Variants in SUMF1 observed in about 807,000 individuals in gnomAD.
SUMF1 encodes the protein formylglycine-generating enzyme.
SUMF1 carries 48 observed loss-of-function variants against 47.6 expected under a neutral mutation model. That is an observed-to-expected ratio of 1.01 (90% CI 0.80 to 1.28). The LOEUF is 1.28. SUMF1 is among the 50% of genes most tolerant of loss of function. The pLI is 0.00. For missense variants in SUMF1, 571 were observed against 485.4 expected (o/e 1.18, Z -1.66); for synonymous variants, 230 against 192.1 (o/e 1.20, Z -1.63).
rs757520821 is a variant in SUMF1, at chr3:4,253,946, TCCCTGAC to T, written c.1014+122377_1014+122383del. On this transcript the variant is annotated intron_variant and NMD_transcript_variant, in intron 8 of 12. Transcript: ENST00000448413. Reference sequence around the variant, plus strand: ...CTGGCAGACTGCCTCCTCAAGTGGGTCCCTGACCCCTGACCCCCGAGCAGCCTAACTG... The same window carrying T: ...CTGGCAGACTGCCTCCTCAAGTGGGTCCCTGACCCCCGAGCAGCCTAACTG... 2.1e-3 allele frequency among the ~76,000 whole-genome samples: 322 copies of T among 150,320 alleles called. 1 individual carries two copies. The highest frequency in any genetic ancestry group is 3.9e-3 in the Non-Finnish European group (267 of 67,654).
In SUMF1 at chr3:4,197,457, G is replaced by A. The variant is rs372045004; in HGVS notation, c.1015-128712C>T. 9.2e-5 allele frequency among the ~76,000 whole-genome samples: 14 copies of A among 152,208 alleles called. 3 individuals are homozygous for A. The highest frequency in any genetic ancestry group is 6.5e-5 in the Admixed American group (1 of 15,270). On this transcript the variant is annotated intron_variant and NMD_transcript_variant, in intron 8 of 12. Coordinates refer to the SUMF1 transcript ENST00000448413. ...CACCATGCTCTAAAAGATAGGTAAG[G>A]TTTAGAGATGAGAGGGCATGACAGA...
At chr3:4,379,536 A>T (rs1441914895) in intron 7 of SUMF1, among the ~76,000 whole-genome samples, 1 of 152,212 alleles carries the variant, frequency 6.6e-6, no homozygotes, top group Non-Finnish European at 1.5e-5. Context: ...AGCCTCCAGA[A>T]CTGTGAGAGG....
chr3:4,156,424 G>C (rs981430374), intron 8 of SUMF1, among the ~76,000 whole-genome samples: 1 of 151,444 alleles, frequency 6.6e-6, no homozygotes, highest in Non-Finnish European at 1.5e-5. Context: ...TGAGAGCAGG[G>C]GTTTTCTGGT....
chr3:4,296,179 G>A (rs1559206743), intron 8 of SUMF1, among the ~76,000 whole-genome samples: 2 of 151,282 alleles, frequency 1.3e-5, no homozygotes, highest in African/African-American at 4.9e-5. Context: ...CATTATTACT[G>A]TATTATTATC....
intron 8 of SUMF1, chr3:4,316,657 T>A (rs1418969726): frequency 6.4e-7 from 1 of 1,551,206 alleles, no homozygotes; most frequent in South Asian, 1.2e-5. Context: ...GAACCATTTC[T>A]CGATCGGATT....
At chr3:4,356,237 G>A (rs998097316), downstream of SUMF1, among the ~76,000 whole-genome samples, 2 of 152,028 alleles carry the variant, frequency 1.3e-5, no homozygotes, top group African/African-American at 4.8e-5. Flanking sequence ...GCTCTAGGGT[G>A]GTTTGTATCC....
At chr3:4,379,840 CAAAAAAAAAAAA>C (rs58264459) in intron 7 of SUMF1, among the ~76,000 whole-genome samples, 4 of 76,888 alleles carry the variant, frequency 5.2e-5, no homozygotes, top group South Asian at 9.7e-4. Context: ...GCCTCCATCT[CAAAAAAAAAAAA>C]AAAAAAAAAA....
chr3:4,145,995 G>C (rs1363974669), intron 8 of SUMF1, among the ~76,000 whole-genome samples: 1 of 152,052 alleles, frequency 6.6e-6, no homozygotes, highest in African/African-American at 2.4e-5. Context: ...AAAATCCACT[G>C]GGTCTCCCTG....
intron 9 of SUMF1, among the ~76,000 whole-genome samples, chr3:4,050,514 G>A (rs1302788455): frequency 6.6e-6 from 1 of 151,822 alleles, no homozygotes; most frequent in South Asian, 2.1e-4. Context: ...GGCTGAGGTG[G>A]GTGGATTGTT....
chr3:4,335,470 T>TA (rs1195965513), intron 8 of SUMF1, among the ~76,000 whole-genome samples: 10 of 152,304 alleles, frequency 6.6e-5, no homozygotes, highest in African/African-American at 1.9e-4. Context: ...TAAAGGCTAC[T>TA]CTCCACCATC....
Position 4,145,943 on chromosome 3 carries a change from C to T in SUMF1, c.1015-77198G>A, listed in dbSNP as rs150269249. Among the ~76,000 whole-genome samples the T allele has an allele frequency of 7.2e-5, 11 of 152,078 alleles. No homozygotes were observed. In the East Asian group the frequency reaches 1.4e-3, roughly 19 times the overall value. ...AATTCCCTGAGTTCAATTTTTAGGGCGGTATATTATGATTGATTTCACCAT... is the reference window on the plus strand; with the variant it reads ...AATTCCCTGAGTTCAATTTTTAGGGTGGTATATTATGATTGATTTCACCAT... On this transcript the variant is annotated intron_variant and NMD_transcript_variant, in intron 8 of 12. Coordinates refer to the SUMF1 transcript ENST00000448413.
At chr3:4,383,351 C>T (rs1432860110) in intron 7 of SUMF1, among the ~76,000 whole-genome samples, 1 of 152,020 alleles carries the variant, frequency 6.6e-6, no homozygotes, top group Non-Finnish European at 1.5e-5. Context: ...TGCACTCCAG[C>T]CTGGGCGACA....
chr3:4,342,363 T>C (rs541723190), intron 8 of SUMF1, among the ~76,000 whole-genome samples: 5 of 152,218 alleles, frequency 3.3e-5, no homozygotes, highest in South Asian at 4.1e-4. Context: ...TGAAACCCCA[T>C]CTCTACTAAA....
intron 8 of SUMF1, among the ~76,000 whole-genome samples, chr3:4,367,383 G>A (rs866026785): frequency 6.6e-6 from 1 of 152,218 alleles, no homozygotes; most frequent in Admixed American, 6.5e-5. Flanking sequence ...CCCATTTCGA[G>A]CTTCCCAGCT....
At chr3:4,208,014 G>A (rs1695691254) in intron 8 of SUMF1, among the ~76,000 whole-genome samples, 1 of 152,240 alleles carries the variant, frequency 6.6e-6, no homozygotes, top group South Asian at 2.1e-4. Flanking sequence ...TGAATATCTA[G>A]GAAAATCTTT....
At chr3:4,186,211 C>T (rs887000810) in intron 8 of SUMF1, among the ~76,000 whole-genome samples, 5 of 152,106 alleles carry the variant, frequency 3.3e-5, no homozygotes, top group African/African-American at 4.8e-5. Context: ...TGGGCAGATG[C>T]TGTATGTCAC....
chr3:4,129,846 C>T (rs9990386), intron 8 of SUMF1, among the ~76,000 whole-genome samples: 2,992 of 152,106 alleles, frequency 0.02, 116 homozygotes, highest in African/African-American at 0.068. Context: ...TACACTGGGT[C>T]CAGTGGGTCC....
intron 8 of SUMF1, among the ~76,000 whole-genome samples, chr3:4,211,139 T>C (rs1409058830): frequency 1.6e-5 from 2 of 122,226 alleles, no homozygotes; most frequent in Admixed American, 8.6e-5. Flanking sequence ...CACACACATA[T>C]ATACATATAC....
intron 8 of SUMF1, among the ~76,000 whole-genome samples, chr3:4,106,368 C>G (rs1693158461): frequency 6.6e-6 from 1 of 151,970 alleles, no homozygotes; most frequent in African/African-American, 2.4e-5. Flanking sequence ...CACTGTTCAC[C>G]AGGCCATAAA....
Sources: allele counts gnomAD v4.1 joint callset (sites outside exome capture counted in the v4.1 genomes callset), GRCh38; gene constraint gnomAD v4.1.1; transcripts MANE v1.5; gene names NCBI Gene and HGNC (gene_info 2026-07-23, HGNC 2026-07-21).